The following MAPKAP1 variants were observed in gnomAD, a reference collection of about 807,000 sequenced individuals.
MAPKAP1 encodes MAPK associated protein 1, also known as target of rapamycin complex 2 subunit MAPKAP1.
A neutral mutation model predicts 65.7 loss-of-function variants in MAPKAP1; 20 were observed. That is an observed-to-expected ratio of 0.30 (90% confidence interval 0.21 to 0.44). The LOEUF (loss-of-function observed/expected upper bound fraction) is 0.44, where lower values mean the gene tolerates loss of function less well. Ranked by LOEUF, MAPKAP1 falls within the 20% of genes least tolerant of loss-of-function variation. The probability of loss-of-function intolerance (pLI) is 1.00; values close to 1 mark genes in which losing one functional copy is unlikely to be tolerated. For missense variants in MAPKAP1, 423 were observed against 648.0 expected, an observed-to-expected ratio of 0.65 and a Z score of 3.77; for synonymous variants, 222 against 244.3, an observed-to-expected ratio of 0.91 and a Z score of 0.85.
chr9:125,563,748 C>T (rs1038038365), intron 5 of MAPKAP1, among the ~76,000 whole-genome samples: 3 of 151,700 alleles, frequency 2.0e-5, no homozygotes, highest in African/African-American at 7.3e-5. Flanking sequence ...TGGAGTCTTG[C>T]TCTTGTCACC....
intron 4 of MAPKAP1, among the ~76,000 whole-genome samples, chr9:125,621,533 A>T (rs1344275088): frequency 6.6e-6 from 1 of 152,228 alleles, no homozygotes; most frequent in Non-Finnish European, 1.5e-5. Context: ...AATGCCAAAC[A>T]CACAGTAAAT....
chr9:125,553,899 T>C (rs117871863), intron 6 of MAPKAP1, among the ~76,000 whole-genome samples: 167 of 152,018 alleles, frequency 1.1e-3, no homozygotes, highest in Admixed American at 2.8e-3. Flanking sequence ...TATTTGGGCA[T>C]GGTGGTGCAT....
chr9:125,671,037 A>T (rs949453706), intron 2 of MAPKAP1, among the ~76,000 whole-genome samples: 2 of 152,172 alleles, frequency 1.3e-5, no homozygotes, highest in Non-Finnish European at 2.9e-5. Flanking sequence ...ATTCAATTGC[A>T]ATTAATAAAT....
At chr9:125,631,571 A>G (rs556514675) in intron 4 of MAPKAP1, among the ~76,000 whole-genome samples, 14 of 152,322 alleles carry the variant, frequency 9.2e-5, no homozygotes, top group South Asian at 6.2e-4. Flanking sequence ...ACCTCACCAC[A>G]CTAAATTCCC....
intron 1 of MAPKAP1, among the ~76,000 whole-genome samples, chr9:125,686,376 C>G (rs1418345241): frequency 6.6e-6 from 1 of 150,944 alleles, no homozygotes; most frequent in African/African-American, 2.4e-5. Context: ...GAAAGAAAAG[C>G]AACACACTTT....
In MAPKAP1 at chr9:125,467,960, G is replaced by C; in HGVS notation, c.1345+12C>G. 1 of 1,613,246 alleles carries C rather than the reference G, an allele frequency of 6.2e-7. No individual in the cohort carries two copies. The highest frequency in any genetic ancestry group is 8.5e-7 in the Non-Finnish European group (1 of 1,179,594). ...AGAGAGAAAGGAGACATAAATAAAA[G>C]GGACTACTCACTGGGGCTTTTCTCT... On this transcript the variant is annotated intron_variant, in intron 10 of 11. Transcript: ENST00000265960.
intron 3 of MAPKAP1, among the ~76,000 whole-genome samples, chr9:125,663,726 C>G (rs1419888524): frequency 2.0e-5 from 3 of 152,026 alleles, no homozygotes; most frequent in African/African-American, 7.2e-5. Context: ...CAGAAAGAAG[C>G]CAAGACAAGA....
At chr9:125,476,890 T>G (rs913484035) in intron 9 of MAPKAP1, among the ~76,000 whole-genome samples, 1 of 152,192 alleles carries the variant, frequency 6.6e-6, no homozygotes, top group African/African-American at 2.4e-5. Context: ...AGTTTCTTTA[T>G]GTTGCCCTCA....
At chr9:125,566,328 G>A (rs1831049850) in intron 5 of MAPKAP1, among the ~76,000 whole-genome samples, 1 of 152,200 alleles carries the variant, frequency 6.6e-6, no homozygotes, top group Non-Finnish European at 1.5e-5. Flanking sequence ...ACTTTGGGAG[G>A]TCAAGGCAGG....
chr9:125,533,700 T>C (rs1230097993), intron 7 of MAPKAP1, among the ~76,000 whole-genome samples: 1 of 152,180 alleles, frequency 6.6e-6, no homozygotes, highest in Admixed American at 6.5e-5. Context: ...CCGTCTGCCT[T>C]AGCCTCTCAA....
At chr9:125,624,240 C>T (rs1833014411) in intron 4 of MAPKAP1, among the ~76,000 whole-genome samples, 1 of 29,288 alleles carries the variant, frequency 3.4e-5, no homozygotes, top group Admixed American at 2.5e-4. Context: ...GCCAGCCGCC[C>T]CGTCTGGGAG....
intron 5 of MAPKAP1, chr9:125,565,359 G>T (rs1234223840): frequency 6.3e-6 from 1 of 158,828 alleles, no homozygotes; most frequent in African/African-American, 2.4e-5. Context: ...GATCTGGCAT[G>T]TTCAATTTAC....
intron 6 of MAPKAP1, chr9:125,559,183 C>G (rs1830820904): frequency 1.3e-5 from 2 of 152,828 alleles, no homozygotes; most frequent in South Asian, 4.1e-4. Flanking sequence ...AAAAAAAAAG[C>G]TGAAGACATG....
chr9:125,525,922 G>A (rs990298662), intron 7 of MAPKAP1, among the ~76,000 whole-genome samples: 3 of 152,112 alleles, frequency 2.0e-5, no homozygotes, highest in Admixed American at 6.5e-5. Context: ...CTTCTGATCC[G>A]CAACAGCCAC....
At chr9:125,450,760 G>T (rs183705358) in intron 10 of MAPKAP1, among the ~76,000 whole-genome samples, 36 of 152,290 alleles carry the variant, frequency 2.4e-4, no homozygotes, top group African/African-American at 7.0e-4. Context: ...GGATTTCTTG[G>T]GGGAAACCGA....
At chr9:125,529,387 A>G (rs927207966) in intron 7 of MAPKAP1, among the ~76,000 whole-genome samples, 2 of 151,924 alleles carry the variant, frequency 1.3e-5, no homozygotes, top group African/African-American at 2.4e-5. Flanking sequence ...CTACTGAAGG[A>G]TAAGTTAGGT....
At chr9:125,669,942 A>G (rs1275048048) in intron 2 of MAPKAP1, 35 bp from the exon 3 acceptor site, 2 of 1,277,722 alleles carry the variant, frequency 1.6e-6, no homozygotes, top group East Asian at 2.4e-5. Flanking sequence ...AAGTTTGTCA[A>G]TGAAAGTTTA....
Position 125,438,281 on chromosome 9 carries a change from C to G in MAPKAP1, c.*606G>C, listed in dbSNP as rs1852363612. On this transcript the variant is annotated 3_prime_UTR_variant, in exon 12 of 12. Coordinates refer to ENST00000265960, the MANE Select transcript of MAPKAP1 (RefSeq NM_001006617.3). ...TCTGTTCCTAACTTTTAGTAAGACA[C>G]TACCCTCGAAGCAAATGCACTCATT... The G allele has an allele frequency of 2.5e-6, 1 of 398,046 alleles. No homozygotes were observed. The allele number at this position is 398,046 out of a possible 1,614,324, so 24.7% of individuals were successfully genotyped here. A position where few individuals can be genotyped will look rare whatever the true frequency, so the allele number is the denominator to read the frequency against.
intron 7 of MAPKAP1, among the ~76,000 whole-genome samples, chr9:125,513,724 G>A (rs1479238622): frequency 6.6e-6 from 1 of 152,202 alleles, no homozygotes; most frequent in Non-Finnish European, 1.5e-5. Context: ...TAAGGTTTAG[G>A]TAGATCCCTA....
Sources: allele counts gnomAD v4.1 joint callset (sites outside exome capture counted in the v4.1 genomes callset), GRCh38; gene constraint gnomAD v4.1.1; transcripts MANE v1.5; gene names NCBI Gene and HGNC (gene_info 2026-07-23, HGNC 2026-07-21).